SPINK6: variants seen among roughly 807,000 people sequenced by gnomAD.
The protein encoded by SPINK6 is serine peptidase inhibitor Kazal type 6.
Under a neutral mutation model 11.7 loss-of-function variants are expected in SPINK6, and 13 were observed. The observed-to-expected ratio is 1.11, with a 90% CI of 0.72 to 1.76. The LOEUF is 1.76. Ranked by LOEUF, SPINK6 falls within the 40% of genes most tolerant of loss-of-function variation. The pLI is 0.00. For missense variants in SPINK6, 98 were observed against 93.7 expected (o/e 1.05, Z -0.19); for synonymous variants, 21 against 31.9 (o/e 0.66, Z 1.15).
At chr5:148,210,007 C>CATACACACGTACATATGT (rs1554112271) in intron 2 of SPINK6, among the ~76,000 whole-genome samples, 2 of 105,736 alleles carry the variant, frequency 1.9e-5, no homozygotes, top group Admixed American at 8.4e-5. Flanking sequence ...CGTATGTATA[C>CATACACACGTACATATGT]ATGTATGTAC....
intron 2 of SPINK6, among the ~76,000 whole-genome samples, chr5:148,209,959 TATAC>T (rs1426262446): frequency 1.3e-5 from 2 of 151,240 alleles, no homozygotes; most frequent in Non-Finnish European, 2.9e-5. Context: ...CATATATATG[TATAC>T]ATACATACGT....
At chr5:148,208,116 C>A (rs1344248600) in intron 2 of SPINK6, among the ~76,000 whole-genome samples, 1 of 152,132 alleles carries the variant, frequency 6.6e-6, no homozygotes, top group Non-Finnish European at 1.5e-5. Context: ...TACTTACTTG[C>A]TGTATGACTT....
chr5:148,212,006 T>G (rs1039896986), intron 2 of SPINK6, among the ~76,000 whole-genome samples: 19 of 152,162 alleles, frequency 1.2e-4, no homozygotes, highest in African/African-American at 4.6e-4. Context: ...ACAGATATAT[T>G]TGGAGGGGTT....
chr5:148,206,307 A>G (rs537604989), intron 2 of SPINK6, among the ~76,000 whole-genome samples: 32 of 152,208 alleles, frequency 2.1e-4, no homozygotes, highest in Non-Finnish European at 3.4e-4. Flanking sequence ...CTGGGATAAA[A>G]TTCATGCTCT....
chr5:148,214,447 G>A (rs1466099545), intron 3 of SPINK6, among the ~76,000 whole-genome samples: 5 of 152,034 alleles, frequency 3.3e-5, no homozygotes, highest in Admixed American at 3.3e-4. Context: ...CTTTTCTCAG[G>A]AGAAAGTCAG....
Position 148,214,825 on chromosome 5 carries a change from A to G in SPINK6, c.198-80A>G, listed in dbSNP as rs199733329. ...ATCAAATAATTAAATGGACCATGCC[A>G]TTGTTAAATATGTTTAGAACTTCTA... On this transcript the variant is annotated intron_variant, in intron 3 of 3. Transcript: ENST00000325630. 1.1e-5 allele frequency: 12 copies of G among 1,072,736 alleles called. No homozygotes were observed. The East Asian group carries it at 2.7e-4, about 24-fold the overall frequency. The allele number at this position is 1,072,736 out of a possible 1,614,324, so 66.5% of individuals were successfully genotyped here.
At chr5:148,212,099 T>C (rs1010680282) in intron 2 of SPINK6, among the ~76,000 whole-genome samples, 4 of 152,126 alleles carry the variant, frequency 2.6e-5, no homozygotes, top group African/African-American at 9.7e-5. Flanking sequence ...TGACATTGTG[T>C]TGAAAACAAT....
intron 2 of SPINK6, among the ~76,000 whole-genome samples, chr5:148,211,860 G>T (rs569185528): frequency 6.6e-6 from 1 of 152,282 alleles, no homozygotes; most frequent in African/African-American, 2.4e-5. Flanking sequence ...GTTCAGTTGT[G>T]CTAGGCTCAA....
chr5:148,212,576 A>ATAT (rs1229882420), intron 2 of SPINK6, among the ~76,000 whole-genome samples: 1 of 102,426 alleles, frequency 9.8e-6, no homozygotes, highest in African/African-American at 4.1e-5. Context: ...TATATTATAT[A>ATAT]TTATATAAAT....
chr5:148,205,822 C>T (rs1755489697), intron 1 of SPINK6, among the ~76,000 whole-genome samples: 1 of 151,038 alleles, frequency 6.6e-6, no homozygotes, highest in Non-Finnish European at 1.5e-5. Flanking sequence ...GTTACCTCCT[C>T]ATGGTTCATG....
upstream of SPINK6, chr5:148,203,034 T>A: frequency 2.2e-6 from 3 of 1,395,252 alleles, no homozygotes; most frequent in Middle Eastern, 5.5e-4. Context: ...TTTCTGGGAA[T>A]TGTCTTGACA....
chr5:148,214,417 T>A (rs1438680576), intron 3 of SPINK6, among the ~76,000 whole-genome samples: 3 of 152,180 alleles, frequency 2.0e-5, no homozygotes, highest in Non-Finnish European at 4.4e-5. Context: ...ATATAACACA[T>A]CTGACTAATT....
At chr5:148,205,980 T>G (rs1429945387) in intron 1 of SPINK6, 56 bp from the exon 2 acceptor site, 16 of 1,598,132 alleles carry the variant, frequency 1.0e-5, no homozygotes, top group Non-Finnish European at 1.4e-5. Flanking sequence ...TGTTGAAAAT[T>G]TCACTTTTTG....
chr5:148,213,200 T>C (rs1755635864), intron 2 of SPINK6, among the ~76,000 whole-genome samples: 1 of 151,068 alleles, frequency 6.6e-6, no homozygotes, highest in Non-Finnish European at 1.5e-5. Flanking sequence ...TCCATGTTTT[T>C]TGTTTGTTTG....
At chr5:148,211,654 G>A (rs886464460) in intron 2 of SPINK6, among the ~76,000 whole-genome samples, 6 of 152,082 alleles carry the variant, frequency 3.9e-5, no homozygotes, top group Non-Finnish European at 5.9e-5. Flanking sequence ...AGTCAATGGC[G>A]GAACAGGTTC....
intron 2 of SPINK6, among the ~76,000 whole-genome samples, chr5:148,207,160 A>G (rs1755510964): frequency 6.6e-6 from 1 of 152,092 alleles, no homozygotes; most frequent in Non-Finnish European, 1.5e-5. Flanking sequence ...GCATGATAGT[A>G]TGGTCTATAC....
In SPINK6 at chr5:148,208,868, T is replaced by C. The variant is rs556968879; in HGVS notation, c.81+2810T>C. ...TTTGCTTTTTGAATCACTTACTGCA[T>C]TGCCTTTAATATTTTTATATTTTCC... is the stretch of plus-strand genomic sequence containing the variant. On this transcript the variant is annotated intron_variant, in intron 2 of 3. Transcript: ENST00000325630. 3.9e-5 allele frequency among the ~76,000 whole-genome samples: 6 copies of C among 152,350 alleles called. No homozygotes were observed. The East Asian group carries it at 1.2e-3, about 29-fold the overall frequency.
intron 1 of SPINK6, among the ~76,000 whole-genome samples, chr5:148,203,539 T>C (rs1230358726): frequency 1.3e-5 from 2 of 152,218 alleles, no homozygotes; most frequent in Admixed American, 1.3e-4. Flanking sequence ...TCACATTTAA[T>C]GTTTGTTCCA....
chr5:148,211,740 T>C (rs865786947), intron 2 of SPINK6, among the ~76,000 whole-genome samples: 1 of 152,206 alleles, frequency 6.6e-6, no homozygotes, highest in African/African-American at 2.4e-5. Flanking sequence ...TTATCTGTTC[T>C]ATGGAAGTTT....
Sources: gnomAD v4.1 joint callset for allele counts (sites outside exome capture counted in the v4.1 genomes callset) on GRCh38, gnomAD v4.1.1 for gene constraint, MANE v1.5 for transcripts, NCBI Gene and HGNC (gene_info 2026-07-23, HGNC 2026-07-21) for gene names.